Variants in CYRIB observed in about 807,000 individuals in gnomAD.
CYRIB encodes the protein CYFIP related Rac1 interactor B, also known as CYFIP-related Rac1 interactor B.
In CYRIB, 8 loss-of-function variants were observed where a neutral mutation model predicts 44.2. The ratio of observed to expected loss-of-function variants is 0.18; its 90% CI spans 0.11 to 0.33. CYRIB has a LOEUF of 0.33. Ranked by LOEUF, CYRIB falls within the 10% of genes least tolerant of loss-of-function variation. The pLI is 1.00. For missense variants in CYRIB, 185 were observed against 382.8 expected (o/e 0.48, Z 4.31); for synonymous variants, 131 against 127.2 (o/e 1.03, Z -0.20).
chr8:129,840,043 T>C (rs899975802), exon 12 of CYRIB: 1 of 154,326 alleles, frequency 6.5e-6, no homozygotes, highest in Admixed American at 6.5e-5. Flanking sequence ...TCTCATAGTA[T>C]CAGAAAACAC....
chr8:129,972,655 C>A (rs1237750263), intron 1 of CYRIB, among the ~76,000 whole-genome samples: 2 of 152,068 alleles, frequency 1.3e-5, no homozygotes, highest in Admixed American at 6.6e-5. Flanking sequence ...AGACTCCACA[C>A]ATACCACACA....
At chr8:129,855,295 G>A (rs1015976050) in intron 6 of CYRIB, among the ~76,000 whole-genome samples, 1 of 151,800 alleles carries the variant, frequency 6.6e-6, no homozygotes, top group Non-Finnish European at 1.5e-5. Context: ...GGAGGTTGAG[G>A]TGGGAGAATC....
At chr8:129,981,779 C>T (rs2132712112) in intron 1 of CYRIB, among the ~76,000 whole-genome samples, 1 of 152,326 alleles carries the variant, frequency 6.6e-6, no homozygotes, top group Admixed American at 6.5e-5. Flanking sequence ...AGCTTCCTCC[C>T]ATTTCCAAAG....
At chr8:129,876,642 C>T (rs76903835) in intron 3 of CYRIB, among the ~76,000 whole-genome samples, 1 of 152,106 alleles carries the variant, frequency 6.6e-6, no homozygotes, top group African/African-American at 2.4e-5. Context: ...ATTTCAAATG[C>T]ACTAGAGTAT....
intron 2 of CYRIB, chr8:129,896,613 G>A (rs1057368048): frequency 6.6e-6 from 1 of 152,100 alleles, no homozygotes; most frequent in South Asian, 2.1e-4. Flanking sequence ...TTTTTGCACA[G>A]AGAATAACTA....
intron 2 of CYRIB, among the ~76,000 whole-genome samples, chr8:129,967,527 CT>C (rs1416659799): frequency 6.6e-6 from 1 of 151,978 alleles, no homozygotes; most frequent in Non-Finnish European, 1.5e-5. Context: ...CTACAGGCGC[CT>C]GCCACCATGC....
At chr8:129,927,381 T>C (rs1164919939) in intron 1 of CYRIB, among the ~76,000 whole-genome samples, 7 of 152,212 alleles carry the variant, frequency 4.6e-5, no homozygotes, top group Admixed American at 3.3e-4. Flanking sequence ...AATGCACTCA[T>C]AGTTCTTAGC....
At chr8:129,854,153 C>T in intron 7 of CYRIB, 113 bp downstream of exon 9, 1 of 838,250 alleles carries the variant, frequency 1.2e-6, no homozygotes, top group Non-Finnish European at 1.9e-6. Context: ...CCCATAATTA[C>T]TAACTTTATT....
chr8:129,869,970 T>TG (rs1398854922), intron 4 of CYRIB, among the ~76,000 whole-genome samples: 3 of 132,634 alleles, frequency 2.3e-5, no homozygotes, highest in Non-Finnish European at 3.3e-5. Context: ...TAGGAGATTA[T>TG]GGGGGGGTGG....
At chr8:129,969,014 C>CTTTTT in intron 2 of CYRIB, among the ~76,000 whole-genome samples, 1 of 5,608 alleles carries the variant, frequency 1.8e-4, no homozygotes, top group Non-Finnish European at 3.2e-4. Flanking sequence ...AATTTGTCCT[C>CTTTTT]CTTTTTTTTT....
At chr8:129,953,745 C>A (rs2094626074) in intron 2 of CYRIB, among the ~76,000 whole-genome samples, 1 of 152,078 alleles carries the variant, frequency 6.6e-6, no homozygotes, top group Non-Finnish European at 1.5e-5. Flanking sequence ...ACTGTGAATC[C>A]CCAGCATGGC....
chr8:129,906,480 C>A (rs867925947), intron 1 of CYRIB, among the ~76,000 whole-genome samples: 11 of 152,174 alleles, frequency 7.2e-5, no homozygotes, highest in African/African-American at 1.2e-4. Context: ...TACATGTTAG[C>A]CCTAAAACCA....
At chr8:129,856,968 C>T (rs538978333) in intron 5 of CYRIB, among the ~76,000 whole-genome samples, 1 of 152,326 alleles carries the variant, frequency 6.6e-6, no homozygotes, top group South Asian at 2.1e-4. Flanking sequence ...ACTTCTGTAA[C>T]CCTACAAAAC....
intron 5 of CYRIB, among the ~76,000 whole-genome samples, chr8:129,861,196 T>G (rs764945401): frequency 2.0e-5 from 3 of 152,202 alleles, no homozygotes; most frequent in Non-Finnish European, 4.4e-5. Context: ...GTCTATTCAC[T>G]GTACAAAATA....
At chr8:129,865,186 T>TA (rs1459677977) in intron 4 of CYRIB, 1 of 153,020 alleles carries the variant, frequency 6.5e-6, no homozygotes, top group Non-Finnish European at 1.5e-5. Context: ...TCATAGAACT[T>TA]AAAGTGATAG....
chr8:129,957,414 G>A (rs1040525703), intron 2 of CYRIB, among the ~76,000 whole-genome samples: 3 of 152,318 alleles, frequency 2.0e-5, no homozygotes, highest in East Asian at 1.9e-4. Flanking sequence ...TAGAAATTTG[G>A]ATAGTTAAAT....
intron 10 of CYRIB, among the ~76,000 whole-genome samples, chr8:129,848,520 G>A (rs184712025): frequency 2.0e-5 from 3 of 152,270 alleles, no homozygotes; most frequent in Non-Finnish European, 4.4e-5. Flanking sequence ...GACTAGGTAG[G>A]GGAGGGAAAA....
chr8:129,867,929 T>C (rs1204664756), intron 4 of CYRIB, among the ~76,000 whole-genome samples: 2 of 152,242 alleles, frequency 1.3e-5, no homozygotes, highest in Non-Finnish European at 2.9e-5. Context: ...CTACCCATTT[T>C]ACAATACTTC....
chr8:129,908,272 T>C (rs534163025), intron 1 of CYRIB, among the ~76,000 whole-genome samples: 24 of 152,138 alleles, frequency 1.6e-4, no homozygotes, highest in African/African-American at 5.8e-4. Flanking sequence ...TGGGAGTGTA[T>C]ATAAATCACA....
Sources: allele counts gnomAD v4.1 joint callset (sites outside exome capture counted in the v4.1 genomes callset), GRCh38; gene constraint gnomAD v4.1.1; transcripts MANE v1.5; gene names NCBI Gene and HGNC (gene_info 2026-07-23, HGNC 2026-07-21).